XRCC4: variants seen among roughly 807,000 people sequenced by gnomAD.
XRCC4 encodes the protein DNA repair protein XRCC4.
In XRCC4, 28 loss-of-function variants were observed where a neutral mutation model predicts 39.1. That is an observed-to-expected ratio of 0.72 (90% confidence interval 0.53 to 0.98). The LOEUF (loss-of-function observed/expected upper bound fraction) is 0.98. XRCC4 is among the 50% of genes least tolerant of loss of function. XRCC4 has a pLI of 0.00. For missense variants in XRCC4, 350 were observed against 376.4 expected, an observed-to-expected ratio of 0.93 and a Z score of 0.58; for synonymous variants, 123 against 126.4, an observed-to-expected ratio of 0.97 and a Z score of 0.18.
chr5:83,309,282 A>ATAT (rs1755603759), intron 7 of XRCC4, among the ~76,000 whole-genome samples: 1 of 119,884 alleles, frequency 8.3e-6, no homozygotes, highest in African/African-American at 3.3e-5. Context: ...AAAAAAAAAA[A>ATAT]AAAAAAAAAA....
intron 3 of XRCC4, among the ~76,000 whole-genome samples, chr5:83,128,553 T>A (rs199950018): frequency 1.1e-4 from 17 of 152,292 alleles, no homozygotes; most frequent in Admixed American, 7.8e-4. Context: ...CACCACACTG[T>A]CTTCCACAAT....
At chr5:83,321,993 TAAAAC>T (rs1756091979) in intron 7 of XRCC4, among the ~76,000 whole-genome samples, 1 of 150,446 alleles carries the variant, frequency 6.6e-6, no homozygotes, top group African/African-American at 2.5e-5. Flanking sequence ...TCATTTAAAA[TAAAAC>T]AAACCTTCTA....
chr5:83,290,635 A>T (rs1386394278), intron 7 of XRCC4, among the ~76,000 whole-genome samples: 1 of 151,774 alleles, frequency 6.6e-6, no homozygotes, highest in Non-Finnish European at 1.5e-5. Flanking sequence ...TTAAAGGGAA[A>T]ATTTTCATTC....
At chr5:83,202,878 G>T (rs1267355568) in intron 4 of XRCC4, among the ~76,000 whole-genome samples, 2 of 151,982 alleles carry the variant, frequency 1.3e-5, no homozygotes, top group Admixed American at 6.6e-5. Context: ...GAGCAGTATG[G>T]GATGAATTAA....
chr5:83,289,564 C>T (rs941216837), intron 7 of XRCC4, among the ~76,000 whole-genome samples: 1 of 151,832 alleles, frequency 6.6e-6, no homozygotes, highest in Non-Finnish European at 1.5e-5. Context: ...CTTTCAACTG[C>T]AGTCCACTGT....
At chr5:83,084,890 C>T (rs985001873) in intron 1 of XRCC4, among the ~76,000 whole-genome samples, 1 of 152,074 alleles carries the variant, frequency 6.6e-6, no homozygotes, top group African/African-American at 2.4e-5. Flanking sequence ...TTCACCTAGC[C>T]CTTAAGACTA....
At chr5:83,083,821 C>T (rs549121308) in intron 1 of XRCC4, among the ~76,000 whole-genome samples, 7 of 152,234 alleles carry the variant, frequency 4.6e-5, no homozygotes, top group Admixed American at 3.9e-4. Context: ...AATGCCCTTC[C>T]TTATCTTTCT....
chr5:83,268,422 A>AAT lies in XRCC4; in HGVS notation c.893+9754_893+9755dup, dbSNP rs546706917. Among the ~76,000 whole-genome samples the AAT allele has an allele frequency of 5.4e-3, 827 of 152,244 alleles. 2 individuals are homozygous for AAT. Among genetic ancestry groups the AAT allele is most frequent in the Non-Finnish European group, 7.9e-3 (534 of 68,004 alleles). ...CCATGCTGCTATATTTATCTACTCA[A>AAT]ATATATATATTGTGATGCATTGATA... On this transcript the variant is annotated intron_variant, in intron 7 of 7. Coordinates refer to ENST00000396027, the MANE Select transcript of XRCC4 (RefSeq NM_003401.5).
At chr5:83,117,184 T>C (rs1450195090) in intron 3 of XRCC4, among the ~76,000 whole-genome samples, 2 of 152,176 alleles carry the variant, frequency 1.3e-5, no homozygotes, top group Non-Finnish European at 2.9e-5. Context: ...TGCGAACCCA[T>C]GTGACCCTTC....
chr5:83,092,617 A>G (rs1380518773), intron 1 of XRCC4, among the ~76,000 whole-genome samples: 1 of 152,122 alleles, frequency 6.6e-6, no homozygotes, highest in Admixed American at 6.6e-5. Context: ...ATATTATAAT[A>G]TGATGTAATT....
chr5:83,148,039 C>T (rs778861546), intron 3 of XRCC4, among the ~76,000 whole-genome samples: 2 of 152,080 alleles, frequency 1.3e-5, no homozygotes, highest in South Asian at 2.1e-4. Context: ...TCGCCCTCCT[C>T]GGCCTCCCAA....
chr5:83,167,266 A>C (rs1365599416), intron 3 of XRCC4, among the ~76,000 whole-genome samples: 1 of 152,040 alleles, frequency 6.6e-6, no homozygotes, highest in Non-Finnish European at 1.5e-5. Context: ...TAGACTTATA[A>C]ATTCCAAGTG....
intron 7 of XRCC4, among the ~76,000 whole-genome samples, chr5:83,272,299 C>A (rs966547792): frequency 1.5e-4 from 23 of 151,962 alleles, no homozygotes; most frequent in African/African-American, 5.6e-4. Context: ...TAAAGTCATA[C>A]CCCCCCAAAC....
chr5:83,303,800 G>A (rs1384547019), intron 7 of XRCC4, among the ~76,000 whole-genome samples: 1 of 152,160 alleles, frequency 6.6e-6, no homozygotes, highest in Non-Finnish European at 1.5e-5. Context: ...TGATCCAAAT[G>A]AGTGTAATTT....
At chr5:83,345,319 C>A (rs1349261312) in intron 7 of XRCC4, among the ~76,000 whole-genome samples, 1 of 152,018 alleles carries the variant, frequency 6.6e-6, no homozygotes, top group African/African-American at 2.4e-5. Context: ...CCTTTATTTT[C>A]TTCTAAAAGC....
chr5:83,165,564 T>G (rs1749425854), intron 3 of XRCC4, among the ~76,000 whole-genome samples: 1 of 152,152 alleles, frequency 6.6e-6, no homozygotes, highest in African/African-American at 2.4e-5. Context: ...TTGTACAGAT[T>G]ATTTCACCAC....
At chr5:83,219,580 T>C (rs1359438053) in intron 6 of XRCC4, among the ~76,000 whole-genome samples, 1 of 152,140 alleles carries the variant, frequency 6.6e-6, no homozygotes, top group Non-Finnish European at 1.5e-5. Flanking sequence ...TCACTGTCTG[T>C]CTGTGCATTA....
the XRCC4 span, among the ~76,000 whole-genome samples, chr5:83,363,222 G>C: frequency 1.7e-3 from 244 of 142,792 alleles, 3 homozygotes; most frequent in Middle Eastern, 0.044. Context: ...AAGACCCAGG[G>C]TTTTCCAGGA....
At chr5:83,253,470 A>C (rs980773926) in intron 6 of XRCC4, among the ~76,000 whole-genome samples, 3 of 150,842 alleles carry the variant, frequency 2.0e-5, no homozygotes, top group Non-Finnish European at 4.4e-5. Context: ...TGTGAATAAC[A>C]TGCTTCACTA....
Sources: allele counts gnomAD v4.1 joint callset (sites outside exome capture counted in the v4.1 genomes callset), GRCh38; gene constraint gnomAD v4.1.1; transcripts MANE v1.5; gene names NCBI Gene and HGNC (gene_info 2026-07-23, HGNC 2026-07-21).